The following REPS1 variants were observed in gnomAD, a reference collection of about 807,000 sequenced individuals.
The protein encoded by REPS1 is RALBP1 associated Eps domain containing 1.
A neutral mutation model predicts 100.9 loss-of-function variants in REPS1; 39 were observed. That is an observed-to-expected ratio of 0.39 (90% confidence interval 0.30 to 0.50). The LOEUF (loss-of-function observed/expected upper bound fraction) is 0.50. Ranked by LOEUF, REPS1 falls within the 20% of genes least tolerant of loss-of-function variation. REPS1 has a pLI of 0.86. For missense variants in REPS1, 821 were observed against 968.5 expected (o/e 0.85, Z 2.02); for synonymous variants, 324 against 340.3 (o/e 0.95, Z 0.53).
chr6:138,943,243 C>CT (rs1190262025), intron 7 of REPS1, among the ~76,000 whole-genome samples: 1 of 152,176 alleles, frequency 6.6e-6, no homozygotes, highest in Non-Finnish European at 1.5e-5. Context: ...TATGTGCAAA[C>CT]TAACTTTTAT....
At chr6:138,986,122 T>A (rs574092869) in intron 1 of REPS1, among the ~76,000 whole-genome samples, 1 of 152,174 alleles carries the variant, frequency 6.6e-6, no homozygotes, top group African/African-American at 2.4e-5. Flanking sequence ...TGTATCTCCC[T>A]GAGCTAAGAA....
At chr6:138,917,941 T>C (rs1347998868) in intron 12 of REPS1, among the ~76,000 whole-genome samples, 2 of 152,206 alleles carry the variant, frequency 1.3e-5, no homozygotes, top group Admixed American at 6.5e-5. Context: ...GTTCTGTATC[T>C]GTAGGTTCCA....
intron 19 of REPS1, among the ~76,000 whole-genome samples, chr6:138,905,915 A>G (rs1417127636): frequency 6.6e-6 from 1 of 152,220 alleles, no homozygotes; most frequent in Non-Finnish European, 1.5e-5. Context: ...TAGCCACCAT[A>G]TTCTAACTTA....
At chr6:138,906,673 T>C (rs1407690355) in intron 19 of REPS1, among the ~76,000 whole-genome samples, 4 of 152,248 alleles carry the variant, frequency 2.6e-5, no homozygotes, top group Admixed American at 6.5e-5. Flanking sequence ...TTCATTTCCA[T>C]GGACTCTCAT....
chr6:138,947,957 T>A, intron 1 of REPS1, 44 bp from the exon 2 acceptor site: 1 of 1,517,186 alleles, frequency 6.6e-7, no homozygotes, highest in South Asian at 1.3e-5. Context: ...ACAACAAAAA[T>A]CTCCCTTCAA....
intron 9 of REPS1, chr6:138,928,382 C>T (rs993387043): frequency 2.6e-5 from 4 of 152,216 alleles, no homozygotes; most frequent in African/African-American, 7.2e-5. Context: ...CTAGTGCTTT[C>T]TGGAAGACAA....
intron 8 of REPS1, among the ~76,000 whole-genome samples, chr6:138,940,856 A>G (rs929034088): frequency 3.9e-5 from 6 of 152,204 alleles, no homozygotes; most frequent in African/African-American, 1.4e-4. Context: ...AAAATCATAC[A>G]CAGAAAGTCC....
At chr6:138,905,724 C>T (rs1363603839) in intron 19 of REPS1, among the ~76,000 whole-genome samples, 1 of 152,192 alleles carries the variant, frequency 6.6e-6, no homozygotes, top group Non-Finnish European at 1.5e-5. Flanking sequence ...TGGGTATTAA[C>T]ACCTGAATTT....
chr6:138,977,649 T>C (rs957149751), intron 1 of REPS1, among the ~76,000 whole-genome samples: 2 of 152,222 alleles, frequency 1.3e-5, no homozygotes, highest in Non-Finnish European at 2.9e-5. Flanking sequence ...TCAAACACCA[T>C]GTGATGGATA....
At position 138,912,965 on chromosome 6, in the gene REPS1, A is replaced by G. The variant is rs1272127340; in HGVS notation, c.1786-15T>C. 6.3e-7 allele frequency: 1 copy of G among 1,595,586 alleles called. No individual in the cohort carries two copies. Among genetic ancestry groups the G allele is most frequent in the Non-Finnish European group, 8.5e-7 (1 of 1,170,494 alleles). On this transcript the variant is annotated splice_polypyrimidine_tract_variant and intron_variant, in intron 15 of 19. Coordinates refer to ENST00000450536, the MANE Select transcript of REPS1 (RefSeq NM_001286611.2). ...GGACCAGGAGCCTGTGCAATGGTTCAGAACAGAGGAACACACATTCTATCA... is the reference window on the plus strand; with the variant it reads ...GGACCAGGAGCCTGTGCAATGGTTCGGAACAGAGGAACACACATTCTATCA...
At chr6:138,980,418 C>A (rs78193628) in intron 1 of REPS1, among the ~76,000 whole-genome samples, 13,367 of 152,146 alleles carry the variant, frequency 0.088, 1,224 homozygotes, top group African/African-American at 0.23. Context: ...AGTACAAGGG[C>A]CTGCCTTATG....
intron 7 of REPS1, 43 bp from the exon 8 acceptor site, chr6:138,941,532 G>C (rs749077195): frequency 6.4e-7 from 1 of 1,551,950 alleles, no homozygotes; most frequent in African/African-American, 1.4e-5. Flanking sequence ...ATTCCGCTTT[G>C]GATCCTTTTA....
At chr6:138,905,928 T>C (rs1779619017) in intron 19 of REPS1, among the ~76,000 whole-genome samples, 1 of 152,266 alleles carries the variant, frequency 6.6e-6, no homozygotes, top group South Asian at 2.1e-4. Context: ...CTAACTTACT[T>C]ACTTTCCTAT....
At chr6:138,920,127 C>T (rs528516679) in intron 12 of REPS1, 88 bp downstream of exon 12, 64 of 727,022 alleles carry the variant, frequency 8.8e-5, no homozygotes, top group Non-Finnish European at 1.4e-4. Flanking sequence ...CTAGTGAAGA[C>T]GGTATTAAAT....
intron 16 of REPS1, 95 bp from the exon 17 acceptor site, chr6:138,911,466 A>G (rs1270315397): frequency 2.3e-6 from 2 of 857,266 alleles, no homozygotes; most frequent in East Asian, 2.7e-5. Context: ...AATGTTAAAT[A>G]TTCTGACAAG....
intron 1 of REPS1, 71 bp downstream of exon 1, chr6:138,987,459 G>GCCCACT: frequency 1.5e-6 from 2 of 1,376,064 alleles, no homozygotes; most frequent in Admixed American, 5.8e-5. Flanking sequence ...AGGAATCGGC[G>GCCCACT]CCCACTCCCA....
chr6:138,941,561 G>T, intron 7 of REPS1, 72 bp from the exon 8 acceptor site: 2 of 1,426,470 alleles, frequency 1.4e-6, no homozygotes, highest in South Asian at 1.2e-5. Flanking sequence ...AAAGAAGCAA[G>T]AGAAATATTT....
intron 16 of REPS1, among the ~76,000 whole-genome samples, chr6:138,912,376 A>T (rs1198245213): frequency 6.6e-6 from 1 of 152,212 alleles, no homozygotes; most frequent in Non-Finnish European, 1.5e-5. Context: ...ATTAGATCTA[A>T]AAGTTACATA....
intron 8 of REPS1, among the ~76,000 whole-genome samples, chr6:138,936,149 A>C (rs950565287): frequency 6.6e-6 from 1 of 152,172 alleles, no homozygotes; most frequent in African/African-American, 2.4e-5. Flanking sequence ...TATGAGTATC[A>C]TTAATTACTC....
Sources: gnomAD v4.1 joint callset for allele counts (sites outside exome capture counted in the v4.1 genomes callset) on GRCh38, gnomAD v4.1.1 for gene constraint, MANE v1.5 for transcripts, NCBI Gene and HGNC (gene_info 2026-07-23, HGNC 2026-07-21) for gene names.